CLSTN2: variants seen among roughly 807,000 people sequenced by gnomAD.
The protein encoded by CLSTN2 is calsyntenin-2.
In CLSTN2, 48 loss-of-function variants were observed where a neutral mutation model predicts 101.2. That is an observed-to-expected ratio of 0.47 (90% CI 0.38 to 0.60). CLSTN2 has a LOEUF of 0.60. CLSTN2 is among the 20% of genes least tolerant of loss of function. The pLI, the probability that CLSTN2 is intolerant of heterozygous loss-of-function variation, is 0.00. For missense variants in CLSTN2, 1,160 were observed against 1,238.2 expected (o/e 0.94, Z 0.95); for synonymous variants, 481 against 463.6 (o/e 1.04, Z -0.48).
At chr3:140,415,499 AAAAAAAAAAAAC>A (rs1171538884) in intron 4 of CLSTN2, among the ~76,000 whole-genome samples, 18 of 151,164 alleles carry the variant, frequency 1.2e-4, no homozygotes, top group African/African-American at 2.2e-4. Flanking sequence ...AAAAAAAAAA[AAAAAAAAAAAAC>A]AAACTGATTT....
At chr3:140,472,790 T>A (rs1465249076) in intron 8 of CLSTN2, among the ~76,000 whole-genome samples, 3 of 152,186 alleles carry the variant, frequency 2.0e-5, no homozygotes, top group African/African-American at 7.2e-5. Context: ...GAATAATATA[T>A]GTATGTGTGT....
intron 2 of CLSTN2, among the ~76,000 whole-genome samples, chr3:140,338,039 A>G (rs769463711): frequency 1.9e-4 from 29 of 152,084 alleles, no homozygotes; most frequent in Non-Finnish European, 3.7e-4. Context: ...CTTGATCTTA[A>G]ATTATTGAAA....
At chr3:140,458,628 C>G (rs549312601) in intron 6 of CLSTN2, among the ~76,000 whole-genome samples, 1 of 152,258 alleles carries the variant, frequency 6.6e-6, no homozygotes, top group East Asian at 1.9e-4. Flanking sequence ...AAACCTGCCC[C>G]CACTCCTGCT....
intron 2 of CLSTN2, among the ~76,000 whole-genome samples, chr3:140,329,688 G>C (rs889993180): frequency 2.0e-5 from 3 of 152,190 alleles, no homozygotes; most frequent in South Asian, 2.1e-4. Context: ...ATGGGGTAAA[G>C]ATCCAAGCTC....
At chr3:140,461,749 A>G (rs1170093573) in intron 7 of CLSTN2, among the ~76,000 whole-genome samples, 1 of 152,164 alleles carries the variant, frequency 6.6e-6, no homozygotes, top group African/African-American at 2.4e-5. Flanking sequence ...CTTGGCCTCA[A>G]CTGTCATCCC....
intron 2 of CLSTN2, among the ~76,000 whole-genome samples, chr3:140,357,811 A>C (rs1359628480): frequency 1.3e-5 from 2 of 152,168 alleles, no homozygotes; most frequent in African/African-American, 2.4e-5. Flanking sequence ...CAGGGTCACC[A>C]ATATGTTCTA....
intron 2 of CLSTN2, among the ~76,000 whole-genome samples, chr3:140,342,223 C>T (rs1476094347): frequency 2.0e-5 from 3 of 152,062 alleles, no homozygotes; most frequent in Admixed American, 6.6e-5. Flanking sequence ...ATCCAGGGAC[C>T]GTCCTGTGTA....
chr3:140,249,666 G>A (rs2086545451), intron 2 of CLSTN2, among the ~76,000 whole-genome samples: 1 of 152,150 alleles, frequency 6.6e-6, no homozygotes, highest in Admixed American at 6.5e-5. Flanking sequence ...GACTGATAGG[G>A]AAAGAGTTAG....
intron 2 of CLSTN2, among the ~76,000 whole-genome samples, chr3:140,189,288 T>C (rs568944119): frequency 6.6e-6 from 1 of 152,316 alleles, no homozygotes; most frequent in South Asian, 2.1e-4. Context: ...AGTTGCTGGG[T>C]CATATAGTAG....
intron 2 of CLSTN2, among the ~76,000 whole-genome samples, chr3:140,280,055 G>A (rs74549404): frequency 0.031 from 4,755 of 152,290 alleles, 242 homozygotes; most frequent in African/African-American, 0.11. Flanking sequence ...TACAGCCCTG[G>A]TGCGGGGCCT....
intron 2 of CLSTN2, among the ~76,000 whole-genome samples, chr3:140,241,832 CAT>C (rs1399819910): frequency 2.0e-4 from 29 of 146,534 alleles, no homozygotes; most frequent in Admixed American, 6.9e-4. Flanking sequence ...TATACACACA[CAT>C]ATATATATAC....
intron 1 of CLSTN2, among the ~76,000 whole-genome samples, chr3:140,145,378 G>T (rs967777649): frequency 1.3e-5 from 2 of 152,212 alleles, no homozygotes; most frequent in African/African-American, 4.8e-5. Flanking sequence ...AGTTTCTGGG[G>T]GAAATGAATG....
At chr3:139,945,397 G>T (rs1193926525) in intron 1 of CLSTN2, among the ~76,000 whole-genome samples, 1 of 152,198 alleles carries the variant, frequency 6.6e-6, no homozygotes, top group Non-Finnish European at 1.5e-5. Context: ...AGGATAAAGC[G>T]CTTACAAAAA....
rs142728311 is a variant in CLSTN2 at position 140,401,508 on chromosome 3, C to T, written c.233-2121C>T. Among the ~76,000 whole-genome samples, 218 of 152,306 alleles carry T rather than the reference C, an allele frequency of 1.4e-3. 5 individuals are homozygous for T. The East Asian group carries it at 0.037, about 26-fold the overall frequency. ...CTTCCCTTTGTATCTCCTCTTTCCT[C>T]TCCTCTGTCTTCTTTCCCTCTCTAC... is the stretch of plus-strand genomic sequence containing the variant. On this transcript the variant is annotated intron_variant, in intron 2 of 16. Transcript: ENST00000458420.
intron 2 of CLSTN2, among the ~76,000 whole-genome samples, chr3:140,292,575 C>T (rs573271047): frequency 4.1e-4 from 63 of 152,330 alleles, no homozygotes; most frequent in African/African-American, 1.5e-3. Flanking sequence ...TACCCCAGCA[C>T]TTCAGGCCTG....
chr3:140,466,291 CAG>C lies in CLSTN2; in HGVS notation c.1223-318_1223-317del, dbSNP rs1933700038. On this transcript the variant is annotated intron_variant, in intron 7 of 16. Transcript: ENST00000458420. ...TCCAGAAGCATCTGTAACCAACAAA[CAG>C]GGAGCTTGTTAACCTAAGTAATTTG... Among the ~76,000 whole-genome samples the C allele has an allele frequency of 2.0e-5, 3 of 152,324 alleles. No homozygotes were observed. The South Asian group carries it at 6.2e-4, about 32-fold the overall frequency.
rs538871708 is a variant in CLSTN2 at position 139,973,481 on chromosome 3, G to A, written c.109+37998G>A. On this transcript the variant is annotated intron_variant, in intron 1 of 16. Transcript: ENST00000458420. ...ATGTTAGGAACTTGGGGGTTGGGGG[G>A]AAGGACTTGTCCTCAAGAACAAGGG... is the stretch of plus-strand genomic sequence containing the variant. Among the ~76,000 whole-genome samples, 251 of 152,242 alleles carry A rather than the reference G, an allele frequency of 1.6e-3. 1 individual carries two copies. The highest frequency in any genetic ancestry group is 3.1e-3 in the Non-Finnish European group (210 of 68,012).
In CLSTN2 at chr3:140,576,921, T is replaced by C. The variant is rs1359075832; in HGVS notation, c.*10668T>C. The C allele has an allele frequency of 6.6e-6, 1 of 152,254 alleles. No individual in the cohort carries two copies. Among genetic ancestry groups the C allele is most frequent in the African/African-American group, 2.4e-5 (1 of 41,468 alleles). The allele number at this position is 152,254 out of a possible 1,614,324, so 9.4% of individuals were successfully genotyped here. ...GGAGTATCTCATTAGAAGGACTGTA[T>C]GAATTTATAGAAAATTGAATCTAAT... is the stretch of plus-strand genomic sequence containing the variant. On this transcript the variant is annotated 3_prime_UTR_variant, in exon 17 of 17. Transcript: ENST00000458420.
rs540246756 is a variant in CLSTN2, at chr3:140,218,183, A to G, written c.232+42110A>G. 3.3e-5 allele frequency among the ~76,000 whole-genome samples: 5 copies of G among 152,304 alleles called. No individual in the cohort carries two copies. In the East Asian group the frequency reaches 5.8e-4, roughly 18 times the overall value. Reference sequence around the variant, plus strand: ...AGCTCCTGTCAGCAGAAATTTCCCAATTCTTGTAAGAAAATGATTAGCTTG... The same window carrying G: ...AGCTCCTGTCAGCAGAAATTTCCCAGTTCTTGTAAGAAAATGATTAGCTTG... On this transcript the variant is annotated intron_variant, in intron 2 of 16. Transcript: ENST00000458420.
Sources: allele counts gnomAD v4.1 joint callset (sites outside exome capture counted in the v4.1 genomes callset), GRCh38; gene constraint gnomAD v4.1.1; transcripts MANE v1.5; gene names NCBI Gene and HGNC (gene_info 2026-07-23, HGNC 2026-07-21).